The following OR7D4 variants were observed in gnomAD, a reference collection of about 807,000 sequenced individuals.
OR7D4 encodes olfactory receptor 7D4.
For missense variants in OR7D4, 319 were observed against 377.1 expected (o/e 0.85, Z 1.27); for synonymous variants, 154 against 158.4 (o/e 0.97, Z 0.21).
chr19:9,217,118 A>G (rs1375251310), intron 1 of OR7D4, among the ~76,000 whole-genome samples: 1 of 152,138 alleles, frequency 6.6e-6, no homozygotes, highest in Non-Finnish European at 1.5e-5. Flanking sequence ...TCCAAGAAGT[A>G]ACAAAAGCCT....
At chr19:9,215,372 T>G (rs1010195482) in intron 1 of OR7D4, among the ~76,000 whole-genome samples, 1 of 152,022 alleles carries the variant, frequency 6.6e-6, no homozygotes, top group Non-Finnish European at 1.5e-5. Context: ...AAAACCTCTT[T>G]TTTTCATTTA....
In OR7D4 at chr19:9,213,878, T is replaced by C; in HGVS notation, c.*21A>G. The stretch of plus-strand genomic sequence containing the variant: ...CTTAGGGGTACGCAGTGTGTCCTCT[T>C]AGTTCTGAGGCCCTGATTTGTCATG... On this transcript the variant is annotated 3_prime_UTR_variant, in exon 2 of 2. Coordinates refer to ENST00000641669, the MANE Select transcript of OR7D4 (RefSeq NM_001005191.3). The C allele has an allele frequency of 6.3e-7, 1 of 1,577,498 alleles. No homozygotes were observed. Among genetic ancestry groups the C allele is most frequent in the Non-Finnish European group, 8.7e-7 (1 of 1,148,096 alleles).
At chr19:9,216,484 C>T (rs567459818) in intron 1 of OR7D4, among the ~76,000 whole-genome samples, 20 of 152,292 alleles carry the variant, frequency 1.3e-4, no homozygotes, top group Admixed American at 1.2e-3. Context: ...AGTAAATACT[C>T]CCTATGTGGG....
chr19:9,218,749 C>G (rs77107572), intron 1 of OR7D4, among the ~76,000 whole-genome samples: 5,193 of 152,174 alleles, frequency 0.034, 276 homozygotes, highest in African/African-American at 0.12. Context: ...CCATCTCAGT[C>G]TCCCGAGTAA....
At position 9,211,945 on chromosome 19, in the gene OR7D4, G is replaced by A. The variant is rs1469271797; in HGVS notation, c.*1954C>T. ...CACTGTCTCTGAAACTTGGTGGTGG[G>A]AACTCAGAGGACAGAAGAGGTTTTA... On this transcript the variant is annotated 3_prime_UTR_variant, in exon 2 of 2. Transcript: ENST00000641669. 6.6e-6 allele frequency: 1 copy of A among 152,028 alleles called. No homozygotes were observed. The highest frequency in any genetic ancestry group is 1.5e-5 in the Non-Finnish European group (1 of 68,016). The allele number at this position is 152,028 out of a possible 1,614,324, so 9.4% of individuals were successfully genotyped here.
intron 1 of OR7D4, among the ~76,000 whole-genome samples, chr19:9,217,320 T>C (rs566412098): frequency 6.6e-6 from 1 of 152,258 alleles, no homozygotes; most frequent in African/African-American, 2.4e-5. Context: ...ATAAATCAAA[T>C]CATCCTAAAA....
rs764742860 is a variant in OR7D4 at position 9,214,669 on chromosome 19, T to C, written c.169A>G (p.Thr57Ala). 4 of 1,612,568 alleles carry C rather than the reference T, an allele frequency of 2.5e-6. No individual in the cohort carries two copies. In the Admixed American group the frequency reaches 5.0e-5, roughly 20 times the overall value. The change falls in exon 2 of 2, where the codon ACC (threonine) becomes GCC (alanine). Residue 57 changes from threonine to alanine, a missense_variant. Physicochemically the swap from Thr to Ala is moderately conservative, Grantham distance 58. Transcript: ENST00000641669. ...TTGGAGAGGAAGAAGTACATGGGGG[T>C]GTGGAGGTGGGAGTCAGAGCTGACG... is the stretch of plus-strand genomic sequence containing the variant. ...LAVSSDSHLH[T>A]PMYFFLSNLS...
chr19:9,214,996 A>G (rs573346606), intron 1 of OR7D4, 146 bp from the exon 2 acceptor site: 135 of 591,366 alleles, frequency 2.3e-4, no homozygotes, highest in Non-Finnish European at 3.6e-4. Context: ...AGGAAGTGGT[A>G]TCTATTTTTA....
Position 9,210,684 on chromosome 19 carries a change from T to TCACACACACACA in OR7D4, c.*3214_*3215insTGTGTGTGTGTG. ...TTTCATTAAAGAATTTACTAGGTGA[T>TCACACACACACA]CTCACACACACACACACACACACAA... On this transcript the variant is annotated 3_prime_UTR_variant, in exon 2 of 2. Transcript: ENST00000641669. 8.9e-6 allele frequency: 1 copy of TCACACACACACA among 112,886 alleles called. No homozygotes were observed. Among genetic ancestry groups the TCACACACACACA allele is most frequent in the Non-Finnish European group, 1.7e-5 (1 of 60,472 alleles). The allele number at this position is 112,886 out of a possible 1,614,324, so 7.0% of individuals were successfully genotyped here. A position where few individuals can be genotyped will look rare whatever the true frequency, so the allele number is the denominator to read the frequency against.
rs920864771 is a variant in OR7D4, at chr19:9,219,246, G to C, written c.-60C>G. ...GTGAGTAGTTAATGAATAAGTAACT[G>C]GATGTACGAAATTCAACAGGAGACT... On this transcript the variant is annotated 5_prime_UTR_variant, in exon 1 of 2. Coordinates refer to ENST00000641669, the MANE Select transcript of OR7D4 (RefSeq NM_001005191.3). 1.3e-5 allele frequency: 2 copies of C among 152,180 alleles called. No homozygotes were observed. The allele number at this position is 152,180 out of a possible 1,614,324, so 9.4% of individuals were successfully genotyped here.
rs1481628176 is a variant in OR7D4 at position 9,214,250 on chromosome 19, G to A, written c.588C>T (p.Asn196=). 1 of 1,614,154 alleles carries A rather than the reference G, an allele frequency of 6.2e-7. No homozygotes were observed. The highest frequency in any genetic ancestry group is 1.1e-5 in the South Asian group (1 of 91,076). ...KVACSNTLLN[N]IVLYVATALL... ...GTGCCGTGGCCACATACAAGACAAT[G>A]TTATTGAGGAGGGTGTTAGAGCAGG... is the stretch of plus-strand genomic sequence containing the variant. The change falls in exon 2 of 2, where the codon AAC becomes AAT. Residue 196 remains asparagine (N), a synonymous_variant. Transcript: ENST00000641669.
chr19:9,216,139 C>T (rs781683308), intron 1 of OR7D4, among the ~76,000 whole-genome samples: 4 of 152,180 alleles, frequency 2.6e-5, no homozygotes, highest in Non-Finnish European at 4.4e-5. Flanking sequence ...ATTCAATTTC[C>T]TCCCACTGGG....
In OR7D4 at chr19:9,212,864, T is replaced by C. The variant is rs2051181546; in HGVS notation, c.*1035A>G. 6.6e-6 allele frequency: 1 copy of C among 152,218 alleles called. No homozygotes were observed. Among genetic ancestry groups the C allele is most frequent in the African/African-American group, 2.4e-5 (1 of 41,454 alleles). 9.4% of individuals were successfully genotyped at this position (152,218 alleles called of 1,614,324 possible). On this transcript the variant is annotated 3_prime_UTR_variant, in exon 2 of 2. Transcript: ENST00000641669. ...AACTCCTAGGCTCCAGTGATTCTCC[T>C]GCCTCAGCCCTCCAAGTAGCTGGGA...
Position 9,211,433 on chromosome 19 carries a change from G to T in OR7D4, c.*2466C>A, listed in dbSNP as rs2051171874. The T allele has an allele frequency of 1.3e-5, 2 of 152,204 alleles. No individual in the cohort carries two copies. The highest frequency in any genetic ancestry group is 4.1e-4 in the South Asian group (2 of 4,832). 9.4% of individuals were successfully genotyped at this position (152,204 alleles called of 1,614,324 possible). ...GATCAATCAGACAGAAAGAATTAGG[G>T]TCTTATCCAACTTAGCAAAAACATA... is the stretch of plus-strand genomic sequence containing the variant. On this transcript the variant is annotated 3_prime_UTR_variant, in exon 2 of 2. Coordinates refer to ENST00000641669, the MANE Select transcript of OR7D4 (RefSeq NM_001005191.3).
Position 9,214,184 on chromosome 19 carries a change from G to C in OR7D4, c.654C>G (p.Tyr218Ter), listed in dbSNP as rs753413396. Residue 218 changes from tyrosine (Y) to a stop codon, truncating the protein, a stop_gained, in exon 2 of 2, where the codon TAC becomes TAG. Coordinates refer to ENST00000641669, the MANE Select transcript of OR7D4 (RefSeq NM_001005191.3). LOFTEE classifies it low-confidence loss of function (END_TRUNC). ...VFPVAGILFS[Y>*]SQIVSSLMGM... ...CCATTAAGGAGGAGACAATCTGAGA[G>C]TAGGAGAAGAGGATCCCAGCTACAG... The C allele has an allele frequency of 6.2e-6, 10 of 1,614,140 alleles. No individual in the cohort carries two copies. In the South Asian group the frequency reaches 9.9e-5, roughly 16 times the overall value.
Position 9,214,277 on chromosome 19 carries a change from CACCTTGAGG to C in OR7D4, c.552_560del (p.Leu185_Val187del), listed in dbSNP as rs750899959. 1.9e-6 allele frequency: 3 copies of C among 1,614,126 alleles called. No individual in the cohort carries two copies. Among genetic ancestry groups the C allele is most frequent in the Admixed American group, 3.3e-5 (2 of 60,024 alleles). ...TATTGAGGAGGGTGTTAGAGCAGGC[CACCTTGAGG>C]ACCTGAGCCGGTTCACAGAAGAAAT... On this transcript the variant is annotated inframe_deletion, in exon 2 of 2. Transcript: ENST00000641669.
Position 9,214,322 on chromosome 19 carries a change from A to G in OR7D4, c.516T>C (p.Thr172=), listed in dbSNP as rs780581411. ...LMKRLTFSTG[T]EIPHFFCEPA... Reference sequence around the variant, plus strand: ...GTTCACAGAAGAAATGCGGAATCTCAGTGCCTGTGGAGAAGGTCAACCTCT... The same window carrying G: ...GTTCACAGAAGAAATGCGGAATCTCGGTGCCTGTGGAGAAGGTCAACCTCT... The change falls in exon 2 of 2, where the codon ACT becomes ACC. Residue 172 remains threonine (T), a synonymous_variant. Coordinates refer to ENST00000641669, the MANE Select transcript of OR7D4 (RefSeq NM_001005191.3). 1.2e-6 allele frequency: 2 copies of G among 1,612,868 alleles called. No homozygotes were observed. Among genetic ancestry groups the G allele is most frequent in the East Asian group, 2.2e-5 (1 of 44,868 alleles).
At chr19:9,215,006 A>T in intron 1 of OR7D4, 156 bp from the exon 2 acceptor site, 1 of 588,520 alleles carries the variant, frequency 1.7e-6, no homozygotes, top group Non-Finnish European at 3.0e-6. Context: ...ATCTATTTTT[A>T]TTCTATTTGT....
rs1274185283 is a variant in OR7D4, at chr19:9,210,314, C to T, written c.*3585G>A. ...GTGGAATGTGAAAGTTTATAAAGAA[C>T]CATAATATCTGGCTGGGCATGGTGG... On this transcript the variant is annotated 3_prime_UTR_variant, in exon 2 of 2. Transcript: ENST00000641669. 6.6e-6 allele frequency: 1 copy of T among 152,040 alleles called. No homozygotes were observed. The highest frequency in any genetic ancestry group is 1.5e-5 in the Non-Finnish European group (1 of 68,016). The allele number at this position is 152,040 out of a possible 1,614,324, so 9.4% of individuals were successfully genotyped here.
Sources: gnomAD v4.1 joint callset for allele counts (sites outside exome capture counted in the v4.1 genomes callset) on GRCh38, gnomAD v4.1.1 for gene constraint, MANE v1.5 for transcripts, NCBI Gene and HGNC (gene_info 2026-07-23, HGNC 2026-07-21) for gene names.